Variants in ROCK1 observed in about 807,000 individuals in gnomAD.
The protein encoded by ROCK1 is Rho associated coiled-coil containing protein kinase 1.
Under a neutral mutation model 196.8 loss-of-function variants are expected in ROCK1, and 36 were observed. The ratio of observed to expected loss-of-function variants is 0.18; its 90% CI spans 0.14 to 0.24. ROCK1 has a LOEUF of 0.24. ROCK1 is among the 10% of genes least tolerant of loss of function. The pLI, the probability that ROCK1 is intolerant of heterozygous loss-of-function variation, is 1.00. For missense variants in ROCK1, 920 were observed against 1,562.0 expected, an observed-to-expected ratio of 0.59 and a Z score of 6.93; for synonymous variants, 443 against 515.9, an observed-to-expected ratio of 0.86 and a Z score of 1.91.
At chr18:21,003,264 A>T (rs906459365) in intron 16 of ROCK1, among the ~76,000 whole-genome samples, 1 of 152,204 alleles carries the variant, frequency 6.6e-6, no homozygotes, top group Non-Finnish European at 1.5e-5. Flanking sequence ...CGAAAACAAC[A>T]GCAAAAAGAG....
At chr18:21,096,261 A>G (rs1194178850) in intron 1 of ROCK1, among the ~76,000 whole-genome samples, 4 of 151,440 alleles carry the variant, frequency 2.6e-5, no homozygotes, top group Non-Finnish European at 5.9e-5. Context: ...GTGCAGTGGC[A>G]CAATCTTGGC....
At chr18:21,098,359 TAAAC>T (rs776991214) in intron 1 of ROCK1, among the ~76,000 whole-genome samples, 93 of 152,156 alleles carry the variant, frequency 6.1e-4, no homozygotes, top group Non-Finnish European at 1.1e-3. Context: ...GCTGTGGAGA[TAAAC>T]AGATAGCCAT....
At chr18:20,993,460 A>G (rs1365713036) in intron 16 of ROCK1, among the ~76,000 whole-genome samples, 1 of 152,110 alleles carries the variant, frequency 6.6e-6, no homozygotes, top group Non-Finnish European at 1.5e-5. Flanking sequence ...TTCAGCCTCC[A>G]AAAGTGCTGG....
intron 1 of ROCK1, among the ~76,000 whole-genome samples, chr18:21,099,427 T>C (rs1214956005): frequency 6.6e-6 from 1 of 152,082 alleles, no homozygotes; most frequent in East Asian, 1.9e-4. Context: ...TCTGAATATA[T>C]CTGATATAGT....
At chr18:20,997,836 A>ATTT (rs112658977) in intron 16 of ROCK1, among the ~76,000 whole-genome samples, 1 of 141,894 alleles carries the variant, frequency 7.0e-6, no homozygotes, top group Non-Finnish European at 1.5e-5. Context: ...CAACAAGTGG[A>ATTT]TTTTTTTTTT....
At chr18:21,033,603 T>C (rs2036029175) in intron 9 of ROCK1, among the ~76,000 whole-genome samples, 1 of 151,946 alleles carries the variant, frequency 6.6e-6, no homozygotes, top group Non-Finnish European at 1.5e-5. Context: ...CAAAAGAATA[T>C]ATTAGAGGTA....
At chr18:21,038,257 C>A (rs1255167659) in intron 9 of ROCK1, among the ~76,000 whole-genome samples, 1 of 152,076 alleles carries the variant, frequency 6.6e-6, no homozygotes, top group Non-Finnish European at 1.5e-5. Context: ...ACATTTAATT[C>A]TGAAGAGGAG....
chr18:20,970,209 T>C (rs1438131053), intron 23 of ROCK1, 139 bp downstream of exon 23: 1 of 564,896 alleles, frequency 1.8e-6, no homozygotes, highest in East Asian at 2.8e-5. Context: ...CAAACTATTT[T>C]ATACATGAGT....
chr18:20,953,969 A>C (rs1439681977), intron 31 of ROCK1, among the ~76,000 whole-genome samples, 184 bp from the exon 32 acceptor site: 1 of 152,102 alleles, frequency 6.6e-6, no homozygotes, highest in Non-Finnish European at 1.5e-5. Context: ...AAAATTAGTC[A>C]AACTAATAAA....
intron 18 of ROCK1, among the ~76,000 whole-genome samples, chr18:20,990,327 A>C (rs1401867705): frequency 1.3e-5 from 2 of 152,064 alleles, no homozygotes; most frequent in African/African-American, 4.8e-5. Flanking sequence ...AAGGGCTACT[A>C]AAAAACAGAG....
intron 1 of ROCK1, among the ~76,000 whole-genome samples, chr18:21,096,966 G>A (rs1282791515): frequency 1.3e-5 from 2 of 152,136 alleles, no homozygotes; most frequent in Non-Finnish European, 2.9e-5. Context: ...GTTTAACACA[G>A]TTGTGATTTA....
At chr18:20,967,162 A>G in intron 26 of ROCK1, 86 bp from the exon 27 acceptor site, 2 of 902,594 alleles carry the variant, frequency 2.2e-6, no homozygotes, top group Non-Finnish European at 3.4e-6. Flanking sequence ...TTAAATTGCT[A>G]ATACTAAAAA....
intron 29 of ROCK1, among the ~76,000 whole-genome samples, chr18:20,957,486 T>C (rs1178391844): frequency 1.0e-4 from 8 of 76,724 alleles, no homozygotes; most frequent in African/African-American, 2.9e-4. Flanking sequence ...TTCCTTTTTC[T>C]TTTTTTTTTT....
At chr18:21,109,936 G>C (rs1488655262) in intron 1 of ROCK1, among the ~76,000 whole-genome samples, 2 of 152,004 alleles carry the variant, frequency 1.3e-5, no homozygotes, top group Admixed American at 1.3e-4. Context: ...TTATTTTAGA[G>C]ATTATGTGGT....
chr18:21,104,934 C>T (rs940615814), intron 1 of ROCK1, among the ~76,000 whole-genome samples: 4 of 152,128 alleles, frequency 2.6e-5, no homozygotes, highest in Admixed American at 6.5e-5. Flanking sequence ...ACGTCAATAA[C>T]GCACAGCTAG....
chr18:21,056,256 T>C (rs569810471), intron 2 of ROCK1, among the ~76,000 whole-genome samples: 19 of 152,318 alleles, frequency 1.2e-4, no homozygotes, highest in African/African-American at 3.6e-4. Context: ...ACTTCAAACT[T>C]ATCTATTCAA....
At chr18:20,959,057 T>TA (rs1491573135) in intron 29 of ROCK1, among the ~76,000 whole-genome samples, 13 of 46,864 alleles carry the variant, frequency 2.8e-4, no homozygotes, top group African/African-American at 1.7e-3. Flanking sequence ...AATATATATA[T>TA]TATATTTTAT....
chr18:20,976,344 A>C (rs1035946124), intron 22 of ROCK1, among the ~76,000 whole-genome samples: 3 of 152,178 alleles, frequency 2.0e-5, no homozygotes, highest in African/African-American at 7.2e-5. Flanking sequence ...GGTATATTTC[A>C]AATGCCTAGA....
intron 31 of ROCK1, among the ~76,000 whole-genome samples, chr18:20,954,342 C>T (rs1460349777): frequency 4.8e-5 from 7 of 147,314 alleles, no homozygotes; most frequent in South Asian, 2.2e-4. Context: ...TTTGGGAGGC[C>T]GAGGTGGGTG....
Sources: allele counts gnomAD v4.1 joint callset (sites outside exome capture counted in the v4.1 genomes callset), GRCh38; gene constraint gnomAD v4.1.1; transcripts MANE v1.5; gene names NCBI Gene and HGNC (gene_info 2026-07-23, HGNC 2026-07-21).